The following AVIL variants were observed in gnomAD, a reference collection of about 807,000 sequenced individuals.
The protein encoded by AVIL is advillin.
In AVIL, 78 loss-of-function variants were observed where a neutral mutation model predicts 109.9. That is an observed-to-expected ratio of 0.71 (90% CI 0.59 to 0.86). The LOEUF is 0.86. Ranked by LOEUF, AVIL falls within the 40% of genes least tolerant of loss-of-function variation. AVIL has a pLI of 0.00. For missense variants in AVIL, 892 were observed against 1,016.5 expected, an observed-to-expected ratio of 0.88 and a Z score of 1.67; for synonymous variants, 367 against 379.1, an observed-to-expected ratio of 0.97 and a Z score of 0.37.
chr12:57,815,745 T>C, intron 2 of AVIL: 1 of 1,430,896 alleles, frequency 7.0e-7, no homozygotes. Flanking sequence ...AAGCCTGTTT[T>C]TGTCTGGAGC....
intron 16 of AVIL, 158 bp from the exon 17 acceptor site, chr12:57,802,506 C>G: frequency 1.1e-6 from 1 of 874,428 alleles, no homozygotes; most frequent in Non-Finnish European, 1.8e-6. Context: ...AAGGTTTTCC[C>G]AGAATCAGCT....
intron 3 of AVIL, 33 bp from the exon 4 acceptor site, chr12:57,813,456 C>G (rs374148268): frequency 1.9e-6 from 3 of 1,591,724 alleles, no homozygotes; most frequent in African/African-American, 1.3e-5. Flanking sequence ...AGGTCAGAGG[C>G]CAGCTCACCT....
At position 57,797,936 on chromosome 12, in the gene AVIL, T is replaced by A; in HGVS notation, c.2406A>T (p.Ala802=). The A allele has an allele frequency of 6.2e-7, 1 of 1,612,854 alleles. No homozygotes were observed. Among genetic ancestry groups the A allele is most frequent in the Non-Finnish European group, 8.5e-7 (1 of 1,179,284 alleles). ...GGAGCTGTTTCCAGCCAGGCAGAGC[T>A]GCAAATTGCCCTCTTGTGATGCCAA... ...SVFGITRGQF[A]ALPGWKQLQM... is the part of the protein sequence containing the mutation. The change falls in exon 20 of 20, where the codon GCA becomes GCT. Residue 802 remains alanine (A), a synonymous_variant. Transcript: ENST00000549994.
intron 14 of AVIL, among the ~76,000 whole-genome samples, chr12:57,804,683 C>G (rs541509520): frequency 5.9e-5 from 9 of 151,930 alleles, no homozygotes; most frequent in Non-Finnish European, 1.2e-4. Context: ...GTGGCACACG[C>G]CTGTAATCCC....
intron 18 of AVIL, 39 bp from the exon 19 acceptor site, chr12:57,799,959 C>T (rs1255446717): frequency 6.2e-7 from 1 of 1,611,488 alleles, no homozygotes; most frequent in Admixed American, 1.7e-5. Flanking sequence ...GAAAAGACTC[C>T]TCAGTGTCTG....
rs771294162 is a variant in AVIL, at chr12:57,810,509, C to T, written c.601G>A (p.Gly201Ser). 2 of 1,614,058 alleles carry T rather than the reference C, an allele frequency of 1.2e-6. No homozygotes were observed. The highest frequency in any genetic ancestry group is 8.5e-7 in the Non-Finnish European group (1 of 1,180,018). ...AKDIRDRERG[G>S]RAKIGVIEGD... Reference sequence around the variant, plus strand: ...TCGATCACTCCTATTTTAGCACGGCCCCCTCGCTCCCTGTCTCGAATATCC... The same window carrying T: ...TCGATCACTCCTATTTTAGCACGGCTCCCTCGCTCCCTGTCTCGAATATCC... Residue 201 changes from glycine to serine, a missense_variant, in exon 7 of 20, where the codon GGC becomes AGC. Physicochemically the swap from Gly to Ser is moderately conservative, Grantham distance 56. Coordinates refer to ENST00000549994, the MANE Select transcript of AVIL (RefSeq NM_006576.4).
At chr12:57,815,792 A>C in intron 2 of AVIL, 183 bp downstream of exon 2, 1 of 1,478,666 alleles carries the variant, frequency 6.8e-7, no homozygotes, top group Non-Finnish European at 9.0e-7. Flanking sequence ...TCCACCTGCC[A>C]ACCACCTGCT....
intron 19 of AVIL, among the ~76,000 whole-genome samples, chr12:57,799,079 T>C (rs1161105380): frequency 1.3e-5 from 2 of 151,932 alleles, no homozygotes; most frequent in African/African-American, 4.8e-5. Context: ...GAGGGGGAAA[T>C]AGGCAATGAA....
chr12:57,808,763 C>T lies in AVIL; in HGVS notation c.940-215G>A, dbSNP rs1033160721. On this transcript the variant is annotated intron_variant, in intron 9 of 19. Transcript: ENST00000549994. ...ATTTTTGGATCTGTTTATTGGCTTG[C>T]GGTGATTATGGTTGTTAATTTTTAG... The T allele has an allele frequency of 4.6e-5, 26 of 561,514 alleles. No individual in the cohort carries two copies. The Middle Eastern group carries it at 1.4e-3, about 31-fold the overall frequency. 34.8% of individuals were successfully genotyped at this position (561,514 alleles called of 1,614,324 possible).
chr12:57,798,950 C>A (rs1955791493), intron 19 of AVIL, among the ~76,000 whole-genome samples: 1 of 152,178 alleles, frequency 6.6e-6, no homozygotes, highest in Non-Finnish European at 1.5e-5. Flanking sequence ...TATGTTAATT[C>A]ATTCACGCAA....
At chr12:57,812,414 G>A (rs1166379359) in intron 4 of AVIL, among the ~76,000 whole-genome samples, 1 of 152,020 alleles carries the variant, frequency 6.6e-6, no homozygotes, top group Non-Finnish European at 1.5e-5. Flanking sequence ...GGGGCTGGAG[G>A]GCAGTGGCAT....
chr12:57,803,399 A>G lies in AVIL; in HGVS notation c.1818-8T>C, dbSNP rs193038207. On this transcript the variant is annotated splice_region_variant and splice_polypyrimidine_tract_variant and intron_variant, in intron 15 of 19. Coordinates refer to ENST00000549994, the MANE Select transcript of AVIL (RefSeq NM_006576.4). ...AGGATTTCCTGCTGAAGTCTGCAAT[A>G]TAGTCCATTTAAGGGCATCAAGCTG... 4,663 of 1,614,200 alleles carry G rather than the reference A, an allele frequency of 2.9e-3. 13 individuals are homozygous for G. Among genetic ancestry groups the G allele is most frequent in the Non-Finnish European group, 3.1e-3 (3,620 of 1,180,036 alleles).
rs977264026 is a variant in AVIL at position 57,810,527 on chromosome 12, G to A, written c.583C>T (p.Arg195Ter). 6 of 1,613,654 alleles carry A rather than the reference G, an allele frequency of 3.7e-6. No homozygotes were observed. Among genetic ancestry groups the A allele is most frequent in the East Asian group, 2.2e-5 (1 of 44,890 alleles). The change falls in exon 7 of 20, where the codon CGA becomes TGA. Residue 195 changes from arginine (R) to a stop codon, truncating the protein, a stop_gained. Transcript: ENST00000549994. LOFTEE classifies it high-confidence loss of function. ...GCACGGCCCCCTCGCTCCCTGTCTC[G>A]AATATCCTTTGCCAGAAGCATAGCC... ...LKAMLLAKDI[R>*]DRERGGRAKI...
rs763934639 is a variant in AVIL at position 57,810,503 on chromosome 12, C to T, written c.607G>A (p.Ala203Thr). 6.2e-7 allele frequency: 1 copy of T among 1,614,098 alleles called. No homozygotes were observed. Among genetic ancestry groups the T allele is most frequent in the Non-Finnish European group, 8.5e-7 (1 of 1,180,030 alleles). ...DIRDRERGGR[A>T]KIGVIEGDKE... ...TCTCCCTCGATCACTCCTATTTTAG[C>T]ACGGCCCCCTCGCTCCCTGTCTCGA... is the stretch of plus-strand genomic sequence containing the variant. The change falls in exon 7 of 20, where the codon GCT becomes ACT. Residue 203 changes from alanine to threonine, a missense_variant. Transcript: ENST00000549994.
chr12:57,806,156 T>TAA (rs373916395), intron 14 of AVIL: 4 of 292,414 alleles, frequency 1.4e-5, no homozygotes, highest in African/African-American at 9.0e-5. Flanking sequence ...TTTTTTTTTT[T>TAA]AATATCAAAC....
chr12:57,809,638 C>A lies in AVIL; in HGVS notation c.898G>T (p.Ala300Ser), dbSNP rs189640914. Residue 300 changes from alanine to serine, a missense_variant, in exon 9 of 20, where the codon GCC becomes TCC. Physicochemically the swap from Ala to Ser is moderately conservative, Grantham distance 99. Transcript: ENST00000549994. ...TKIYVWKGKGATKAEKQAAMS... is the reference protein window; with the variant it reads ...TKIYVWKGKGSTKAEKQAAMS... ...GCTGCCTGTTTTTCAGCCTTTGTGGCTCCTTTTCCTTTCCACACGTAGATT... is the reference window on the plus strand; with the variant it reads ...GCTGCCTGTTTTTCAGCCTTTGTGGATCCTTTTCCTTTCCACACGTAGATT... 6.2e-7 allele frequency: 1 copy of A among 1,614,232 alleles called. No individual in the cohort carries two copies. Among genetic ancestry groups the A allele is most frequent in the South Asian group, 1.1e-5 (1 of 91,084 alleles).
chr12:57,807,194 A>AT, intron 13 of AVIL, 137 bp downstream of exon 13: 2 of 1,289,376 alleles, frequency 1.6e-6, no homozygotes, highest in Non-Finnish European at 2.2e-6. Context: ...TCTTAGAGGG[A>AT]TTAACCCCCT....
chr12:57,803,456 C>T (rs1171878464), intron 15 of AVIL, 65 bp from the exon 16 acceptor site: 1 of 1,613,388 alleles, frequency 6.2e-7, no homozygotes, highest in Non-Finnish European at 8.5e-7. Context: ...GAGGTTTTAG[C>T]CTTTGTGCAA....
rs2277326 is a variant in AVIL at position 57,808,636 on chromosome 12, C to A, written c.940-88G>T. 530,229 of 1,476,848 alleles carry A rather than the reference C, an allele frequency of 0.36. 101,575 individuals are homozygous for A. The highest frequency in any genetic ancestry group is 0.46 in the Middle Eastern group (1,892 of 4,088). 91.5% of individuals were successfully genotyped at this position (1,476,848 alleles called of 1,614,324 possible). On this transcript the variant is annotated intron_variant, in intron 9 of 19. Transcript: ENST00000549994. ...CTGGTAATTCACCTCTATGAAGCCA[C>A]ATGATATAAGCGTCTCCCCTCTGGG... is the stretch of plus-strand genomic sequence containing the variant.
Sources: allele counts gnomAD v4.1 joint callset (sites outside exome capture counted in the v4.1 genomes callset), GRCh38; gene constraint gnomAD v4.1.1; transcripts MANE v1.5; gene names NCBI Gene and HGNC (gene_info 2026-07-23, HGNC 2026-07-21).